The following TPD52 variants were observed in gnomAD, a reference collection of about 807,000 sequenced individuals.
TPD52 encodes the protein prostate and colon associated protein.
In TPD52, 17 loss-of-function variants were observed where a neutral mutation model predicts 31.3. That is an observed-to-expected ratio of 0.54 (90% CI 0.37 to 0.82). The LOEUF (loss-of-function observed/expected upper bound fraction) is 0.82, where lower values mean the gene tolerates loss of function less well. Ranked by LOEUF, TPD52 falls within the 40% of genes least tolerant of loss-of-function variation. TPD52 has a pLI of 0.00. For missense variants in TPD52, 212 were observed against 240.1 expected, an observed-to-expected ratio of 0.88 and a Z score of 0.77; for synonymous variants, 83 against 89.6, an observed-to-expected ratio of 0.93 and a Z score of 0.42.
At chr8:80,043,784 C>T (rs563347250) in intron 6 of TPD52, among the ~76,000 whole-genome samples, 1 of 152,238 alleles carries the variant, frequency 6.6e-6, no homozygotes, top group African/African-American at 2.4e-5. Context: ...CTCCAAATGT[C>T]ACAGTGGGAT....
chr8:80,112,320 G>C (rs745775428), intron 1 of TPD52, among the ~76,000 whole-genome samples: 1 of 152,156 alleles, frequency 6.6e-6, no homozygotes, highest in East Asian at 1.9e-4. Flanking sequence ...CTGAGGCACA[G>C]AAAAGGTAAG....
At chr8:80,069,998 T>C (rs965124885) in intron 1 of TPD52, among the ~76,000 whole-genome samples, 19 of 152,310 alleles carry the variant, frequency 1.2e-4, no homozygotes, top group African/African-American at 4.1e-4. Flanking sequence ...AATGTTAATA[T>C]TGCATCTGAA....
chr8:80,101,382 A>C (rs192899093), intron 1 of TPD52, among the ~76,000 whole-genome samples: 1,519 of 141,300 alleles, frequency 0.011, 82 homozygotes, highest in Admixed American at 0.11. Flanking sequence ...CGGGAGGTGG[A>C]GGTTGCAGTG....
At chr8:80,169,505 G>C (rs1305532910) in intron 1 of TPD52, among the ~76,000 whole-genome samples, 1 of 152,186 alleles carries the variant, frequency 6.6e-6, no homozygotes, top group African/African-American at 2.4e-5. Flanking sequence ...CAAGAAGTTG[G>C]AATACTGCAG....
chr8:80,144,263 A>C (rs551375140), intron 1 of TPD52, among the ~76,000 whole-genome samples: 1 of 152,328 alleles, frequency 6.6e-6, no homozygotes, highest in Non-Finnish European at 1.5e-5. Context: ...ATTACATCTT[A>C]ATATTACCAA....
chr8:80,152,154 A>C (rs2131202403), intron 1 of TPD52, among the ~76,000 whole-genome samples: 1 of 141,882 alleles, frequency 7.0e-6, no homozygotes, highest in South Asian at 2.2e-4. Flanking sequence ...GAAAGGGAGA[A>C]GATCAGACCT....
intron 1 of TPD52, among the ~76,000 whole-genome samples, chr8:80,083,423 G>A (rs1815483047): frequency 6.6e-6 from 1 of 152,152 alleles, no homozygotes; most frequent in Non-Finnish European, 1.5e-5. Flanking sequence ...ACATGTCAAG[G>A]GCGGGACCAG....
intron 1 of TPD52, among the ~76,000 whole-genome samples, chr8:80,072,039 G>T (rs566225469): frequency 6.6e-6 from 1 of 152,098 alleles, no homozygotes; most frequent in Non-Finnish European, 1.5e-5. Context: ...GGCCGGGCGC[G>T]GTGGCTCACG....
rs1347210335 is a variant in TPD52, at chr8:80,171,536, T to G, written c.-93A>C. ...CCGCCGCGCCGCGCAGAGCTCCTCC[T>G]CGCCTCCGCCGGCGACTCCCGCGAA... On this transcript the variant is annotated 5_prime_UTR_variant, in exon 1 of 8. Coordinates refer to ENST00000518937, the MANE Select transcript of TPD52 (RefSeq NM_001025253.3). 7.1e-7 allele frequency: 1 copy of G among 1,409,760 alleles called. No individual in the cohort carries two copies. Among genetic ancestry groups the G allele is most frequent in the Non-Finnish European group, 9.2e-7 (1 of 1,089,000 alleles). 87.3% of individuals were successfully genotyped at this position (1,409,760 alleles called of 1,614,324 possible).
chr8:80,034,334 A>G (rs937702524), downstream of TPD52, among the ~76,000 whole-genome samples: 1 of 151,592 alleles, frequency 6.6e-6, no homozygotes, highest in African/African-American at 2.4e-5. Flanking sequence ...CAGGAGCACA[A>G]GCTCCTGCCC....
At chr8:80,065,143 GTTGT>G (rs916258888) in intron 1 of TPD52, among the ~76,000 whole-genome samples, 7 of 151,404 alleles carry the variant, frequency 4.6e-5, no homozygotes, top group Admixed American at 2.0e-4. Context: ...TTCTTTTTTT[GTTGT>G]TTGTTTGTTT....
intron 1 of TPD52, among the ~76,000 whole-genome samples, chr8:80,143,103 T>A (rs1471220182): frequency 6.6e-6 from 1 of 152,206 alleles, no homozygotes; most frequent in Admixed American, 6.5e-5. Context: ...AGGAGGAAAG[T>A]ACCTACTTCA....
chr8:80,067,909 G>C (rs1419649471), intron 1 of TPD52, among the ~76,000 whole-genome samples: 2 of 151,676 alleles, frequency 1.3e-5, no homozygotes, highest in Non-Finnish European at 2.9e-5. Context: ...GTTCAGTAAT[G>C]GTATAGGATT....
chr8:80,038,325 CA>C, intron 7 of TPD52, 90 bp from the exon 8 acceptor site: 1 of 1,352,018 alleles, frequency 7.4e-7, no homozygotes, highest in South Asian at 1.3e-5. Flanking sequence ...CTTTCAAGAA[CA>C]AATACATCAG....
intron 1 of TPD52, among the ~76,000 whole-genome samples, chr8:80,072,682 T>TGTGTGTATATAC (rs1814014331): frequency 3.3e-5 from 2 of 59,850 alleles, no homozygotes; most frequent in Non-Finnish European, 8.4e-5. Context: ...TACACATAGA[T>TGTGTGTATATAC]ATGTGTGTAT....
At chr8:80,076,623 T>C (rs1474450198) in intron 1 of TPD52, among the ~76,000 whole-genome samples, 2 of 152,142 alleles carry the variant, frequency 1.3e-5, no homozygotes, top group African/African-American at 4.8e-5. Context: ...TGACACATGT[T>C]TACCCATATA....
intron 1 of TPD52, among the ~76,000 whole-genome samples, chr8:80,116,771 G>A (rs557251142): frequency 2.6e-4 from 29 of 111,286 alleles, no homozygotes; most frequent in African/African-American, 1.1e-3. Context: ...CATTATCTAG[G>A]AATGTTAAAA....
intron 1 of TPD52, among the ~76,000 whole-genome samples, chr8:80,118,665 C>G (rs1028178413): frequency 1.3e-5 from 2 of 152,182 alleles, no homozygotes; most frequent in South Asian, 4.1e-4. Context: ...GGTCAATTAG[C>G]ACACACAGTG....
intron 1 of TPD52, among the ~76,000 whole-genome samples, chr8:80,156,880 G>A (rs937034013): frequency 2.6e-5 from 4 of 152,004 alleles, no homozygotes; most frequent in East Asian, 1.9e-4. Context: ...AATTGGGGTC[G>A]GGTTGAAGAG....
Sources: gnomAD v4.1 joint callset for allele counts (sites outside exome capture counted in the v4.1 genomes callset) on GRCh38, gnomAD v4.1.1 for gene constraint, MANE v1.5 for transcripts, NCBI Gene and HGNC (gene_info 2026-07-23, HGNC 2026-07-21) for gene names.